Variants in COL20A1 observed in about 807,000 individuals in gnomAD.
COL20A1 encodes the protein collagen type XX alpha 1 chain.
A neutral mutation model predicts 152.9 loss-of-function variants in COL20A1; 164 were observed. The ratio of observed to expected loss-of-function variants is 1.07; its 90% CI spans 0.94 to 1.22. COL20A1 has a LOEUF of 1.22. COL20A1 is among the 50% of genes most tolerant of loss of function. COL20A1 has a pLI of 0.00. For missense variants in COL20A1, 1,873 were observed against 1,744.8 expected, an observed-to-expected ratio of 1.07 and a Z score of -1.31; for synonymous variants, 864 against 756.0, an observed-to-expected ratio of 1.14 and a Z score of -2.34.
In COL20A1 at chr20:63,325,726, C is replaced by T. The variant is rs201364088; in HGVS notation, c.3402+5C>T. 4,441 of 1,611,346 alleles carry T rather than the reference C, an allele frequency of 2.8e-3. 9 individuals carry two copies. The highest frequency in any genetic ancestry group is 3.3e-3 in the Non-Finnish European group (3,869 of 1,178,974). On this transcript the variant is annotated splice_donor_5th_base_variant and intron_variant, in intron 29 of 35. Transcript: ENST00000358894. ...GTTGGCCTCCAGGGACCAAAGGTGC[C>T]GGCTCTGGGCTTGGAGGGTTCTGTC...
intron 1 of COL20A1, 31 bp from the exon 2 acceptor site, chr20:63,295,067 G>C (rs886593089): frequency 7.0e-7 from 1 of 1,428,976 alleles, no homozygotes; most frequent in Non-Finnish European, 9.6e-7. Flanking sequence ...CGGGGGGACG[G>C]CTGAAGGGCA....
At position 63,333,981 on chromosome 20, in the gene COL20A1, G is replaced by C. The variant is rs1568795449; in HGVS notation, c.*3265G>C. The C allele has an allele frequency of 6.6e-6, 1 of 152,318 alleles. No individual in the cohort carries two copies. The highest frequency in any genetic ancestry group is 2.1e-4 in the South Asian group (1 of 4,830). The allele number at this position is 152,318 out of a possible 1,614,324, so 9.4% of individuals were successfully genotyped here. A position where few individuals can be genotyped will look rare whatever the true frequency, so the allele number is the denominator to read the frequency against. On this transcript the variant is annotated 3_prime_UTR_variant, in exon 36 of 36. Coordinates refer to ENST00000358894, the MANE Select transcript of COL20A1 (RefSeq NM_020882.4). ...TAGATTCAGTGCATTTCTTGGGGAA[G>C]GGCGTGGAACATTTGGACTTGAGCC... is the stretch of plus-strand genomic sequence containing the variant.
rs1434307077 is a variant in COL20A1 at position 63,312,866 on chromosome 20, G to A, written c.2008G>A (p.Ala670Thr). The change falls in exon 16 of 36, where the codon GCA becomes ACA. Residue 670 changes from alanine to threonine, a missense_variant. Ala to Thr is a moderately conservative substitution (Grantham distance 58). Coordinates refer to ENST00000358894, the MANE Select transcript of COL20A1 (RefSeq NM_020882.4). Reference sequence around the variant, plus strand: ...TGCAGTCCAGCTGGCGTGGGTGGCCGCAGCCCCGTCTGGCGTGCTTGTCTA... The same window carrying A: ...TGCAGTCCAGCTGGCGTGGGTGGCCACAGCCCCGTCTGGCGTGCTTGTCTA... The part of the protein sequence containing the change: ...GDAVQLAWVA[A>T]APSGVLVYQI... The A allele has an allele frequency of 1.5e-5, 23 of 1,556,718 alleles. No individual in the cohort carries two copies. In the Admixed American group the frequency reaches 1.7e-4, roughly 12 times the overall value.
At chr20:63,302,055 A>T (rs2067868735) in intron 3 of COL20A1, among the ~76,000 whole-genome samples, 1 of 152,164 alleles carries the variant, frequency 6.6e-6, no homozygotes, top group African/African-American at 2.4e-5. Context: ...ATGAAACCTC[A>T]TGTTTTCATG....
rs1342607821 is a variant in COL20A1, at chr20:63,305,722, C to G, written c.338-159C>G. On this transcript the variant is annotated intron_variant, in intron 4 of 35. Transcript: ENST00000358894. This position sits in a 1 kb window ranked among gnomAD's most constrained non-coding sequence, Gnocchi z 4.9. The stretch of plus-strand genomic sequence containing the variant: ...CTAGGGGCAGGTTCAAGTCCCGACT[C>G]ACCAGCAAGGCTGCCTTGCCCCTGA... Among the ~76,000 whole-genome samples, 1 of 152,222 alleles carries G rather than the reference C, an allele frequency of 6.6e-6. No individual in the cohort carries two copies. Among genetic ancestry groups the G allele is most frequent in the African/African-American group, 2.4e-5 (1 of 41,464 alleles).
chr20:63,316,388 C>G (rs2068084339), intron 20 of COL20A1, among the ~76,000 whole-genome samples, 165 bp from the exon 21 acceptor site: 1 of 151,772 alleles, frequency 6.6e-6, no homozygotes. Context: ...CCCTGCCCAC[C>G]CCCCAGCCCC....
intron 26 of COL20A1, 70 bp from the exon 27 acceptor site, chr20:63,321,986 CAG>C (rs1170100052): frequency 3.8e-6 from 5 of 1,304,674 alleles, no homozygotes; most frequent in African/African-American, 3.1e-5. Context: ...GCATGGGGCT[CAG>C]GGGCTGGTCT....
At chr20:63,302,765 A>G (rs2067876572) in intron 3 of COL20A1, among the ~76,000 whole-genome samples, 1 of 152,228 alleles carries the variant, frequency 6.6e-6, no homozygotes, top group Non-Finnish European at 1.5e-5. Flanking sequence ...TTTGTAGAAG[A>G]AGAAACAAGA....
At chr20:63,320,245 C>A in intron 24 of COL20A1, 46 bp from the exon 25 acceptor site, 1 of 1,604,556 alleles carries the variant, frequency 6.2e-7, no homozygotes, top group Non-Finnish European at 8.5e-7. Context: ...TGGGGGCTGG[C>A]AGCCTCTCTG....
In COL20A1 at chr20:63,320,092, G is replaced by GT; in HGVS notation, c.2970_2971insT (p.Val991CysfsTer3). On this transcript the variant is annotated frameshift_variant, in exon 24 of 36. Transcript: ENST00000358894. LOFTEE classifies it high-confidence loss of function. ...TCAGGCTCTATGTGGACTGCCGGAAGGTGGCTGAGCGGCCCCTTGGGGAGA... is the reference window on the plus strand; with the variant it reads ...TCAGGCTCTATGTGGACTGCCGGAAGTGTGGCTGAGCGGCCCCTTGGGGAGA... 1 of 1,555,004 alleles carries GT rather than the reference G, an allele frequency of 6.4e-7. No individual in the cohort carries two copies. The highest frequency in any genetic ancestry group is 8.7e-7 in the Non-Finnish European group (1 of 1,150,082).
Position 63,313,791 on chromosome 20 carries a change from C to G in COL20A1, c.2258C>G (p.Thr753Ser), listed in dbSNP as rs940007345. ...TCCAACCTGGCCCTGGCCTCGGAGA[C>G]CCCCGACAGCCTGCAGGTCAGCTGG... ...PPSNLALASE[T>S]PDSLQVSWTP... The change falls in exon 18 of 36, where the codon ACC becomes AGC. Residue 753 changes from threonine (T) to serine (S), a missense_variant. Coordinates refer to ENST00000358894, the MANE Select transcript of COL20A1 (RefSeq NM_020882.4). This position sits in a 1 kb window ranked among gnomAD's most constrained non-coding sequence, Gnocchi z 5.9. 4 of 1,610,090 alleles carry G rather than the reference C, an allele frequency of 2.5e-6. No homozygotes were observed. The highest frequency in any genetic ancestry group is 3.3e-4 in the Middle Eastern group (2 of 6,042).
chr20:63,329,848 A>G (rs1310590904), intron 35 of COL20A1, among the ~76,000 whole-genome samples, 187 bp downstream of exon 35: 1 of 152,270 alleles, frequency 6.6e-6, no homozygotes, highest in Admixed American at 6.5e-5. Context: ...TAGGGGCAAC[A>G]GGAATGTGGG....
At chr20:63,321,559 G>A (rs1408705083) in intron 26 of COL20A1, among the ~76,000 whole-genome samples, 2 of 152,326 alleles carry the variant, frequency 1.3e-5, no homozygotes, top group East Asian at 1.9e-4. Flanking sequence ...CCACTTGGAC[G>A]GCCACTGTCC....
chr20:63,302,017 C>G (rs928936880), intron 3 of COL20A1, among the ~76,000 whole-genome samples: 2 of 152,090 alleles, frequency 1.3e-5, no homozygotes, highest in African/African-American at 4.8e-5. Flanking sequence ...AAAATTTAAA[C>G]ACAGGCAAAA....
chr20:63,318,185 G>A lies in COL20A1; in HGVS notation c.2664-873G>A, dbSNP rs151282348. Among the ~76,000 whole-genome samples the A allele has an allele frequency of 2.5e-3, 387 of 152,228 alleles. 1 individual carries two copies. The highest frequency in any genetic ancestry group is 8.8e-3 in the African/African-American group (364 of 41,528). On this transcript the variant is annotated intron_variant, in intron 21 of 35. Coordinates refer to ENST00000358894, the MANE Select transcript of COL20A1 (RefSeq NM_020882.4). ...TGGGGGCAGATGGTTCTCCAGGTGCGGCCACCCAGGGTGGACCCCCGTGAG... is the reference window on the plus strand; with the variant it reads ...TGGGGGCAGATGGTTCTCCAGGTGCAGCCACCCAGGGTGGACCCCCGTGAG...
chr20:63,315,103 C>T (rs766096439), intron 19 of COL20A1, among the ~76,000 whole-genome samples: 2 of 152,360 alleles, frequency 1.3e-5, no homozygotes, highest in East Asian at 1.9e-4. Context: ...CCAGTACCCT[C>T]GAAGGGTATC....
rs796453097 is a variant in COL20A1 at position 63,332,997 on chromosome 20, C to T, written c.*2281C>T. On this transcript the variant is annotated 3_prime_UTR_variant, in exon 36 of 36. Coordinates refer to ENST00000358894, the MANE Select transcript of COL20A1 (RefSeq NM_020882.4). Reference sequence around the variant, plus strand: ...CCGACCTGCACGTCTCCCATCAGCCCCGACTCCACCGCATCCCTCTGGGTC... The same window carrying T: ...CCGACCTGCACGTCTCCCATCAGCCTCGACTCCACCGCATCCCTCTGGGTC... 1.6e-4 allele frequency: 24 copies of T among 152,354 alleles called. No homozygotes were observed. Among genetic ancestry groups the T allele is most frequent in the African/African-American group, 5.5e-4 (23 of 41,566 alleles). The allele number at this position is 152,354 out of a possible 1,614,324, so 9.4% of individuals were successfully genotyped here. A position where few individuals can be genotyped will look rare whatever the true frequency, so the allele number is the denominator to read the frequency against.
At position 63,295,851 on chromosome 20, in the gene COL20A1, C is replaced by T. The variant is rs531292311; in HGVS notation, c.82+662C>T. On this transcript the variant is annotated intron_variant, in intron 2 of 35. Coordinates refer to ENST00000358894, the MANE Select transcript of COL20A1 (RefSeq NM_020882.4). ...GTCTATGGAGAAGGCTCCGGGGCCT[C>T]GGCCACGCTGTAAACTTGTCCCTGG... is the stretch of plus-strand genomic sequence containing the variant. 4.6e-5 allele frequency among the ~76,000 whole-genome samples: 7 copies of T among 152,392 alleles called. No homozygotes were observed. In the South Asian group the frequency reaches 1.0e-3, roughly 23 times the overall value.
In COL20A1 at chr20:63,298,012, C is replaced by G; in HGVS notation, c.185C>G (p.Pro62Arg). ...CTCGGCTACCTGGTGCAGGTGAAGC[C>G]CATGGCAGGTGAGGACCTGCCCCTC... ...SGLGYLVQVK[P>R]MAGDSEQEVI... is the part of the protein sequence containing the mutation. Residue 62 changes from proline (P) to arginine (R), a missense_variant, in exon 3 of 36, where the codon CCC becomes CGC. Transcript: ENST00000358894. The G allele has an allele frequency of 6.2e-7, 1 of 1,609,640 alleles. No individual in the cohort carries two copies. The highest frequency in any genetic ancestry group is 8.5e-7 in the Non-Finnish European group (1 of 1,178,262).
Sources: gnomAD v4.1 joint callset for allele counts (sites outside exome capture counted in the v4.1 genomes callset) on GRCh38, gnomAD v4.1.1 for gene constraint, Gnocchi (gnomAD v3.1) non-coding constraint, MANE v1.5 for transcripts, NCBI Gene and HGNC (gene_info 2026-07-23, HGNC 2026-07-21) for gene names.